The following APP variants were observed in gnomAD, a reference collection of about 807,000 sequenced individuals.
APP encodes the protein amyloid beta precursor protein.
Under a neutral mutation model 101.4 loss-of-function variants are expected in APP, and 31 were observed. That is an observed-to-expected ratio of 0.31 (90% CI 0.23 to 0.41). APP has a LOEUF of 0.41. Among genes scored for constraint, APP ranks in the 10% least tolerant of loss-of-function variants. APP has a pLI of 1.00. For missense variants in APP, 839 were observed against 1,003.7 expected, an observed-to-expected ratio of 0.84 and a Z score of 2.22; for synonymous variants, 366 against 364.4, an observed-to-expected ratio of 1.00 and a Z score of -0.05.
intron 6 of APP, among the ~76,000 whole-genome samples, chr21:26,017,591 G>A (rs561488167): frequency 3.3e-5 from 2 of 59,718 alleles, no homozygotes; most frequent in African/African-American, 1.4e-4. Flanking sequence ...GGGGTACAAC[G>A]AATAGTTGCT....
At chr21:26,071,839 G>A (rs1333183889) in intron 3 of APP, among the ~76,000 whole-genome samples, 1 of 152,146 alleles carries the variant, frequency 6.6e-6, no homozygotes, top group East Asian at 1.9e-4. Context: ...TAAGCTTCAG[G>A]TGACCCTTTT....
Position 26,100,802 on chromosome 21 carries a change from T to C in APP, c.226-10730A>G, listed in dbSNP as rs190567913. ...GGTTAAAAAGGCAGAGAACAGATAA[T>C]GTTAAATGGTGGGAAAGAAAACAGG... On this transcript the variant is annotated intron_variant, in intron 2 of 17. Transcript: ENST00000346798. 3.2e-4 allele frequency among the ~76,000 whole-genome samples: 49 copies of C among 152,262 alleles called. 1 individual carries two copies. The highest frequency in any genetic ancestry group is 1.1e-3 in the African/African-American group (47 of 41,550).
At chr21:25,980,305 T>G (rs1269850533) in intron 9 of APP, among the ~76,000 whole-genome samples, 1 of 152,052 alleles carries the variant, frequency 6.6e-6, no homozygotes, top group Non-Finnish European at 1.5e-5. Context: ...TGCCCAGAAG[T>G]GGATTTGTGA....
chr21:26,058,351 G>A (rs144717270), intron 3 of APP, among the ~76,000 whole-genome samples: 1 of 152,212 alleles, frequency 6.6e-6, no homozygotes, highest in African/African-American at 2.4e-5. Context: ...CACCTGCAAG[G>A]GAATCTGTGA....
intron 17 of APP, among the ~76,000 whole-genome samples, chr21:25,884,712 C>T (rs911689320): frequency 1.3e-5 from 2 of 152,188 alleles, no homozygotes; most frequent in African/African-American, 4.8e-5. Flanking sequence ...AATTATCTTG[C>T]TTAGGAGATC....
intron 3 of APP, among the ~76,000 whole-genome samples, chr21:26,066,185 C>T (rs743532): frequency 6.6e-6 from 1 of 152,084 alleles, no homozygotes; most frequent in Non-Finnish European, 1.5e-5. Context: ...GGGACTGAGT[C>T]TGCTTTTCTA....
chr21:26,127,452 A>G (rs1399888991), intron 1 of APP, among the ~76,000 whole-genome samples: 1 of 152,232 alleles, frequency 6.6e-6, no homozygotes, highest in East Asian at 1.9e-4. Context: ...AGGTTACATA[A>G]ATCAAAAGCC....
chr21:26,166,522 C>T (rs185823290), intron 1 of APP, among the ~76,000 whole-genome samples: 3 of 151,976 alleles, frequency 2.0e-5, no homozygotes, highest in Non-Finnish European at 4.4e-5. Context: ...TTCAACTCAT[C>T]GGAACATTTA....
chr21:26,102,226 C>T (rs2062077181), intron 2 of APP, among the ~76,000 whole-genome samples: 1 of 151,534 alleles, frequency 6.6e-6, no homozygotes, highest in Non-Finnish European at 1.5e-5. Flanking sequence ...GTAGCTGGGA[C>T]TACAGGTGCC....
At chr21:25,889,153 A>ACCT (rs2037530454) in intron 17 of APP, among the ~76,000 whole-genome samples, 1 of 152,182 alleles carries the variant, frequency 6.6e-6, no homozygotes, top group Non-Finnish European at 1.5e-5. Flanking sequence ...AGCTGCCAGT[A>ACCT]CCTCCACCTG....
intron 5 of APP, among the ~76,000 whole-genome samples, chr21:26,038,807 C>A (rs2045243996): frequency 6.6e-6 from 1 of 152,102 alleles, no homozygotes; most frequent in Non-Finnish European, 1.5e-5. Flanking sequence ...GCTCCCCCAA[C>A]AATTCCAATC....
chr21:25,939,487 AAGAT>A (rs2040487774), intron 13 of APP, among the ~76,000 whole-genome samples: 1 of 152,244 alleles, frequency 6.6e-6, no homozygotes, highest in Non-Finnish European at 1.5e-5. Context: ...CTTCTCCCTT[AAGAT>A]AGAAAGAAGG....
intron 2 of APP, among the ~76,000 whole-genome samples, chr21:26,104,990 A>G (rs2062147556): frequency 6.7e-6 from 1 of 148,456 alleles, no homozygotes; most frequent in Non-Finnish European, 1.5e-5. Flanking sequence ...AAATTCATCC[A>G]CCACTATTGG....
intron 13 of APP, among the ~76,000 whole-genome samples, chr21:25,950,833 C>A (rs559524035): frequency 5.9e-4 from 90 of 151,992 alleles, no homozygotes; most frequent in African/African-American, 2.2e-3. Context: ...CACAGAAGGC[C>A]AAATATACAG....
intron 1 of APP, among the ~76,000 whole-genome samples, chr21:26,154,585 T>C (rs1190946845): frequency 6.6e-6 from 1 of 152,220 alleles, no homozygotes; most frequent in Non-Finnish European, 1.5e-5. Flanking sequence ...TTAAAGCTCC[T>C]GGCTTAATAT....
rs867089715 is a variant in APP at position 26,059,922 on chromosome 21, A to G, written c.356-6574T>C. On this transcript the variant is annotated intron_variant, in intron 3 of 17. Transcript: ENST00000346798. Reference sequence around the variant, plus strand: ...AAAAAAAAAAAAAAAAAAAAAAAAAAAGAGAGGGTGAGACTGAGAGACTAT... The same window carrying G: ...AAAAAAAAAAAAAAAAAAAAAAAAAGAGAGAGGGTGAGACTGAGAGACTAT... 5.5e-3 allele frequency among the ~76,000 whole-genome samples: 734 copies of G among 133,752 alleles called. 10 individuals carry two copies. Among genetic ancestry groups the G allele is most frequent in the African/African-American group, 0.019 (676 of 36,316 alleles). The allele number at this position is 133,752 out of a possible 152,430, so 87.7% of individuals were successfully genotyped here. A position where few individuals can be genotyped will look rare whatever the true frequency, so the allele number is the denominator to read the frequency against.
At position 25,997,417 on chromosome 21, in the gene APP, C is replaced by A. The variant is rs111559851; in HGVS notation, c.1034-1G>T. On this transcript the variant is annotated splice_acceptor_variant, in intron 7 of 17. Transcript: ENST00000346798. LOFTEE classifies it high-confidence loss of function. ...GTAGTCTTGAGTAAACTTTGGGACA[C>A]TATGGAAAAAATAAGAGAACATAAC... The A allele has an allele frequency of 1.9e-6, 3 of 1,611,816 alleles. No individual in the cohort carries two copies. Among genetic ancestry groups the A allele is most frequent in the Non-Finnish European group, 2.5e-6 (3 of 1,178,148 alleles).
intron 8 of APP, among the ~76,000 whole-genome samples, chr21:25,986,462 T>G (rs1197983054): frequency 6.6e-6 from 1 of 151,988 alleles, no homozygotes; most frequent in African/African-American, 2.4e-5. Flanking sequence ...TCCCAGCACT[T>G]TGGGAGGCCG....
At chr21:25,909,079 C>T (rs551275640) in intron 14 of APP, among the ~76,000 whole-genome samples, 4 of 151,946 alleles carry the variant, frequency 2.6e-5, no homozygotes, top group East Asian at 1.9e-4. Context: ...CTGGCTAACA[C>T]GGTGAAACCC....
Sources: gnomAD v4.1 joint callset for allele counts (sites outside exome capture counted in the v4.1 genomes callset) on GRCh38, gnomAD v4.1.1 for gene constraint, MANE v1.5 for transcripts, NCBI Gene and HGNC (gene_info 2026-07-23, HGNC 2026-07-21) for gene names.